Variants in GRIA1 observed in about 807,000 individuals in gnomAD.
GRIA1 encodes glutamate ionotropic receptor AMPA type subunit 1.
In GRIA1, 31 loss-of-function variants were observed where a neutral mutation model predicts 99.2. That is an observed-to-expected ratio of 0.31 (90% CI 0.23 to 0.42). The LOEUF (loss-of-function observed/expected upper bound fraction) is 0.42. GRIA1 is among the 10% of genes least tolerant of loss of function. The probability of loss-of-function intolerance (pLI) is 1.00; values close to 1 mark genes in which losing one functional copy is unlikely to be tolerated. For synonymous variants in GRIA1, 438 were observed against 432.4 expected (o/e 1.01, Z -0.16); for missense variants, 782 against 1,157.5 (o/e 0.68, Z 4.71).
intron 2 of GRIA1, among the ~76,000 whole-genome samples, chr5:153,537,156 A>G (rs1235598037): frequency 6.6e-6 from 1 of 152,204 alleles, no homozygotes; most frequent in Non-Finnish European, 1.5e-5. Flanking sequence ...TCTCAACGCC[A>G]TACAGTGTGT....
At chr5:153,739,987 A>ATATCT (rs1428590427) in intron 11 of GRIA1, among the ~76,000 whole-genome samples, 1 of 152,250 alleles carries the variant, frequency 6.6e-6, no homozygotes, top group Non-Finnish European at 1.5e-5. Context: ...GATCTTATTA[A>ATATCT]TATCTTTTTA....
chr5:153,759,423 G>T (rs1376302432), intron 11 of GRIA1, among the ~76,000 whole-genome samples: 1 of 151,772 alleles, frequency 6.6e-6, no homozygotes, highest in African/African-American at 2.4e-5. Context: ...AGAGACTGTT[G>T]TGATAACTAT....
intron 2 of GRIA1, among the ~76,000 whole-genome samples, chr5:153,604,743 G>A (rs965538300): frequency 6.6e-6 from 1 of 151,888 alleles, no homozygotes; most frequent in African/African-American, 2.4e-5. Flanking sequence ...CTGACCTCAC[G>A]GTAGGAAAAA....
At chr5:153,499,327 T>C (rs1754738124) in intron 2 of GRIA1, among the ~76,000 whole-genome samples, 1 of 151,998 alleles carries the variant, frequency 6.6e-6, no homozygotes, top group Non-Finnish European at 1.5e-5. Context: ...TAAAGATCTA[T>C]GAATATGGCC....
intron 2 of GRIA1, among the ~76,000 whole-genome samples, chr5:153,495,616 T>C (rs1754336235): frequency 6.6e-6 from 1 of 152,242 alleles, no homozygotes; most frequent in Non-Finnish European, 1.5e-5. Flanking sequence ...TGCACAGGAC[T>C]GGTCCATTGA....
At chr5:153,726,502 A>G (rs1760541512) in intron 11 of GRIA1, among the ~76,000 whole-genome samples, 1 of 151,710 alleles carries the variant, frequency 6.6e-6, no homozygotes. Flanking sequence ...AGCAAGACTA[A>G]TAAAGAAGAA....
intron 2 of GRIA1, among the ~76,000 whole-genome samples, chr5:153,528,559 G>A (rs10071989): frequency 0.094 from 14,244 of 152,180 alleles, 812 homozygotes; most frequent in African/African-American, 0.16. Flanking sequence ...ACAAGAATTT[G>A]CATTTCTACC....
Position 153,714,032 on chromosome 5 carries a change from G to A in GRIA1, c.1823+7965G>A, listed in dbSNP as rs140744877. Among the ~76,000 whole-genome samples the A allele has an allele frequency of 1.4e-3, 206 of 152,268 alleles. 2 individuals are homozygous for A. The highest frequency in any genetic ancestry group is 4.7e-3 in the African/African-American group (195 of 41,548). ...ACATGGCCATCCCAATTCGATAGGC[G>A]AGGATTCTGGGTGACAGGGAGAGGA... On this transcript the variant is annotated intron_variant, in intron 11 of 15. Transcript: ENST00000285900.
intron 2 of GRIA1, among the ~76,000 whole-genome samples, chr5:153,580,245 C>A (rs868237039): frequency 6.6e-6 from 1 of 152,178 alleles, no homozygotes; most frequent in Middle Eastern, 3.2e-3. Context: ...ATAATTTTTT[C>A]TTTGCAATGG....
At chr5:153,542,610 G>A (rs571782260) in intron 2 of GRIA1, among the ~76,000 whole-genome samples, 3 of 152,342 alleles carry the variant, frequency 2.0e-5, no homozygotes, top group South Asian at 4.1e-4. Context: ...CCATGTCCCA[G>A]ATTGAAGGTT....
At chr5:153,772,524 GA>G (rs1462290828) in intron 13 of GRIA1, among the ~76,000 whole-genome samples, 1 of 152,012 alleles carries the variant, frequency 6.6e-6, no homozygotes, top group Non-Finnish European at 1.5e-5. Flanking sequence ...AAAGAGGAAT[GA>G]AAATACTTTG....
At chr5:153,739,984 T>TA (rs1173955472) in intron 11 of GRIA1, among the ~76,000 whole-genome samples, 1 of 152,242 alleles carries the variant, frequency 6.6e-6, no homozygotes, top group African/African-American at 2.4e-5. Context: ...GATGATCTTA[T>TA]TAATATCTTT....
intron 7 of GRIA1, among the ~76,000 whole-genome samples, chr5:153,679,876 A>G (rs1756852367): frequency 6.6e-6 from 1 of 152,186 alleles, no homozygotes; most frequent in Non-Finnish European, 1.5e-5. Flanking sequence ...CATGCTAGGG[A>G]GTTAAATTCT....
In GRIA1 at chr5:153,612,323, T is replaced by G. The variant is rs545484610; in HGVS notation, c.221-34605T>G. ...ATCTACAGTCTTCTTAAGGGAAATTTGGGAACATGAGAATTTGAAGTTGAT... is the reference window on the plus strand; with the variant it reads ...ATCTACAGTCTTCTTAAGGGAAATTGGGGAACATGAGAATTTGAAGTTGAT... On this transcript the variant is annotated intron_variant, in intron 2 of 15. Transcript: ENST00000285900. Among the ~76,000 whole-genome samples, 145 of 152,350 alleles carry G rather than the reference T, an allele frequency of 9.5e-4. 1 individual carries two copies. Among genetic ancestry groups the G allele is most frequent in the Middle Eastern group, 3.4e-3 (1 of 294 alleles).
intron 2 of GRIA1, among the ~76,000 whole-genome samples, chr5:153,555,930 G>T (rs1363591328): frequency 1.3e-5 from 2 of 152,234 alleles, no homozygotes; most frequent in Non-Finnish European, 2.9e-5. Context: ...GTAGAAACTG[G>T]AATGATGGTA....
chr5:153,769,226 G>A (rs1291007398), intron 12 of GRIA1, among the ~76,000 whole-genome samples: 1 of 152,172 alleles, frequency 6.6e-6, no homozygotes, highest in African/African-American at 2.4e-5. Flanking sequence ...AGGCCATACA[G>A]ATCAGAATCA....
chr5:153,754,717 C>T (rs1196953843), intron 11 of GRIA1, among the ~76,000 whole-genome samples: 1 of 152,190 alleles, frequency 6.6e-6, no homozygotes, highest in African/African-American at 2.4e-5. Context: ...CAATTCTTCC[C>T]ACGGTCCAAA....
At chr5:153,599,199 A>G (rs1370862391) in intron 2 of GRIA1, among the ~76,000 whole-genome samples, 1 of 152,132 alleles carries the variant, frequency 6.6e-6, no homozygotes, top group African/African-American at 2.4e-5. Flanking sequence ...TTGATTTTAT[A>G]TAATTTCCTT....
intron 7 of GRIA1, among the ~76,000 whole-genome samples, chr5:153,682,637 G>A (rs58907089): frequency 0.23 from 35,471 of 151,780 alleles, 4,727 homozygotes; most frequent in East Asian, 0.52. Flanking sequence ...TCTTAACCCC[G>A]ATGCTTGCTG....
Sources: gnomAD v4.1 joint callset for allele counts (sites outside exome capture counted in the v4.1 genomes callset) on GRCh38, gnomAD v4.1.1 for gene constraint, MANE v1.5 for transcripts, NCBI Gene and HGNC (gene_info 2026-07-23, HGNC 2026-07-21) for gene names.